The following TBXT variants were observed in gnomAD, a reference collection of about 807,000 sequenced individuals.
The protein encoded by TBXT is T brachyury transcription factor.
TBXT carries 19 observed loss-of-function variants against 41.1 expected under a neutral mutation model. That is an observed-to-expected ratio of 0.46 (90% CI 0.32 to 0.68). The LOEUF (loss-of-function observed/expected upper bound fraction) is 0.68. Among genes scored for constraint, TBXT ranks in the 30% least tolerant of loss-of-function variants. The pLI, the probability that TBXT is intolerant of heterozygous loss-of-function variation, is 0.03. For missense variants in TBXT, 536 were observed against 582.0 expected (o/e 0.92, Z 0.81); for synonymous variants, 213 against 238.9 (o/e 0.89, Z 1.00).
chr6:166,164,690 T>G, intron 4 of TBXT, 24 bp from the exon 5 acceptor site: 1 of 1,608,222 alleles, frequency 6.2e-7, no homozygotes, highest in East Asian at 2.2e-5. Flanking sequence ...AAAAAAAAAG[T>G]ATATCGAATT....
At position 166,158,167 on chromosome 6, in the gene TBXT, T is replaced by G; in HGVS notation, c.*148A>C. The G allele has an allele frequency of 8.1e-7, 1 of 1,241,720 alleles. No homozygotes were observed. The highest frequency in any genetic ancestry group is 2.3e-5 in the East Asian group (1 of 42,764). The allele number at this position is 1,241,720 out of a possible 1,614,324, so 76.9% of individuals were successfully genotyped here. On this transcript the variant is annotated 3_prime_UTR_variant, in exon 8 of 8. Transcript: ENST00000366876. Reference sequence around the variant, plus strand: ...GGCTCTGGGGAAAGGTGCCGTGTGCTCCTCCACTGCTTTGAAAAGGAAGTT... The same window carrying G: ...GGCTCTGGGGAAAGGTGCCGTGTGCGCCTCCACTGCTTTGAAAAGGAAGTT...
intron 6 of TBXT, 140 bp downstream of exon 6, chr6:166,162,307 C>T: frequency 1.2e-6 from 1 of 857,938 alleles, no homozygotes. Context: ...TTCTCTTGAG[C>T]TACTAAAAAA....
rs547205184 is a variant in TBXT at position 166,165,955 on chromosome 6, G to A, written c.472-115C>T. 14 of 1,496,912 alleles carry A rather than the reference G, an allele frequency of 9.4e-6. No individual in the cohort carries two copies. The East Asian group carries it at 3.2e-4, about 34-fold the overall frequency. 92.7% of individuals were successfully genotyped at this position (1,496,912 alleles called of 1,614,324 possible). On this transcript the variant is annotated intron_variant, in intron 2 of 7. Coordinates refer to ENST00000366876, the MANE Select transcript of TBXT (RefSeq NM_001366285.2). ...TGGATCCCAAGAAAGTGTCTCTGCT[G>A]TTGAGGGAAGTGGGGTTCCACCAGG... is the stretch of plus-strand genomic sequence containing the variant.
chr6:166,168,070 C>T (rs1005410202), upstream of TBXT, among the ~76,000 whole-genome samples: 2 of 152,006 alleles, frequency 1.3e-5, no homozygotes, highest in Admixed American at 1.3e-4. Flanking sequence ...GCCCTGCGAG[C>T]CCCGGCCCAG....
chr6:166,164,023 C>T (rs1288123495), intron 5 of TBXT, among the ~76,000 whole-genome samples: 3 of 152,192 alleles, frequency 2.0e-5, no homozygotes, highest in Admixed American at 2.0e-4. Context: ...AAGTCCCTTC[C>T]CCGGGTGGAG....
intron 5 of TBXT, among the ~76,000 whole-genome samples, chr6:166,162,999 C>T (rs1001020589): frequency 6.6e-6 from 1 of 152,238 alleles, no homozygotes; most frequent in Non-Finnish European, 1.5e-5. Flanking sequence ...TAACCCAAGG[C>T]TTCCAATCCT....
intron 5 of TBXT, 109 bp downstream of exon 5, chr6:166,164,496 C>G: frequency 7.5e-7 from 1 of 1,330,098 alleles, no homozygotes; most frequent in East Asian, 2.3e-5. Context: ...AATCTTACAT[C>G]CCAGGCACAC....
At chr6:166,160,426 C>T (rs1778918984) in intron 7 of TBXT, among the ~76,000 whole-genome samples, 1 of 152,180 alleles carries the variant, frequency 6.6e-6, no homozygotes, top group South Asian at 2.1e-4. Context: ...CCCAACAACC[C>T]TGTAGGAGAC....
intron 2 of TBXT, 72 bp downstream of exon 2, chr6:166,166,520 A>C: frequency 6.8e-6 from 11 of 1,608,742 alleles, no homozygotes; most frequent in South Asian, 3.3e-5. Flanking sequence ...CCCTTCCCAC[A>C]ACCCCCGTGC....
chr6:166,165,829 G>A lies in TBXT; in HGVS notation c.483C>T (p.Asn161=), dbSNP rs763305561. The change falls in exon 3 of 8, where the codon AAC becomes AAT. Residue 161 remains asparagine (N), a synonymous_variant. Transcript: ENST00000366876. ...KLNGGGQIML[N]SLHKYEPRIH... is the part of the protein sequence containing the mutation. ...TTCGAGGCTCATACTTATGCAAGGA[G>A]TTCAGCATGATCTGAGGGAGACAGA... The A allele has an allele frequency of 6.2e-7, 1 of 1,614,206 alleles. No individual in the cohort carries two copies. Among genetic ancestry groups the A allele is most frequent in the Non-Finnish European group, 8.5e-7 (1 of 1,180,044 alleles).
intron 3 of TBXT, 121 bp from the exon 4 acceptor site, chr6:166,164,982 T>C: frequency 3.7e-6 from 3 of 813,102 alleles, no homozygotes; most frequent in Non-Finnish European, 6.1e-6. Flanking sequence ...ATCAGACTTC[T>C]TTCCACATAC....
At chr6:166,160,384 C>T (rs3127333) in intron 7 of TBXT, among the ~76,000 whole-genome samples, 1 of 152,034 alleles carries the variant, frequency 6.6e-6, no homozygotes. Flanking sequence ...GAAAAGGTTC[C>T]GAAACGATCT....
rs1348928657 is a variant in TBXT at position 166,167,425 on chromosome 6, T to C, written c.167A>G (p.Lys56Arg). 1.2e-6 allele frequency: 2 copies of C among 1,613,210 alleles called. No homozygotes were observed. Among genetic ancestry groups the C allele is most frequent in the Non-Finnish European group, 1.7e-6 (2 of 1,179,932 alleles). ...LEESELWLRF[K>R]ELTNEMIVTK... is the part of the protein sequence containing the mutation. ...CACGATCATCTCATTGGTGAGCTCC[T>C]TGAAGCGCAGCCACAGCTCGCTCTC... Residue 56 changes from lysine (K) to arginine (R), a missense_variant, in exon 1 of 8, where the codon AAG becomes AGG. Coordinates refer to ENST00000366876, the MANE Select transcript of TBXT (RefSeq NM_001366285.2).
intron 2 of TBXT, 44 bp from the exon 3 acceptor site, chr6:166,165,884 G>A (rs754177141): frequency 6.2e-7 from 1 of 1,613,166 alleles, no homozygotes; most frequent in South Asian, 1.1e-5. Context: ...AAAGGCCTGC[G>A]TTAAAACAGC....
Position 166,166,658 on chromosome 6 carries a change from G to A in TBXT, c.405C>T (p.His135=). 6.2e-7 allele frequency: 1 copy of A among 1,614,084 alleles called. No individual in the cohort carries two copies. Among genetic ancestry groups the A allele is most frequent in the Non-Finnish European group, 8.5e-7 (1 of 1,180,046 alleles). Residue 135 remains histidine, a synonymous_variant, in exon 2 of 8, where the codon CAC becomes CAT. Transcript: ENST00000366876. The stretch of plus-strand genomic sequence containing the variant: ...TGAAGGAGACGGGAGCCTTCATCCA[G>A]TGGGCCCCGAAGTTGGGCGAGTCGG... ...IHPDSPNFGA[H]WMKAPVSFSK... is the part of the protein sequence containing the mutation.
At chr6:166,160,442 G>A (rs1428757552) in intron 7 of TBXT, among the ~76,000 whole-genome samples, 5 of 152,140 alleles carry the variant, frequency 3.3e-5, no homozygotes, top group South Asian at 2.1e-4. Flanking sequence ...GAGACAGGCC[G>A]AGGCTGGGTT....
intron 5 of TBXT, 83 bp downstream of exon 5, chr6:166,164,522 T>C (rs1779054196): frequency 1.3e-6 from 2 of 1,523,240 alleles, no homozygotes; most frequent in Non-Finnish European, 1.8e-6. Flanking sequence ...AACACCCTTG[T>C]CTTCTCCATC....
chr6:166,162,312 A>G (rs865897246), intron 6 of TBXT, 135 bp downstream of exon 6: 2 of 967,974 alleles, frequency 2.1e-6, no homozygotes, highest in Non-Finnish European at 3.2e-6. Context: ...TTGAGCTACT[A>G]AAAAACTGGG....
Position 166,158,545 on chromosome 6 carries a change from G to A in TBXT, c.1081C>T (p.Pro361Ser). Reference sequence around the variant, plus strand: ...GACACGGCTGCTGCCTGGGAGCCCGGGGTGACGGCGCCGTTGCTCACAGAC... The same window carrying A: ...GACACGGCTGCTGCCTGGGAGCCCGAGGTGACGGCGCCGTTGCTCACAGAC... ...LWSVSNGAVT[P>S]GSQAAAVSNG... Residue 361 changes from proline (P) to serine (S), a missense_variant, in exon 8 of 8, where the codon CCG (proline) becomes TCG (serine). Pro to Ser is a moderately conservative substitution (Grantham distance 74). Transcript: ENST00000366876. The A allele has an allele frequency of 1.3e-6, 2 of 1,595,140 alleles. No homozygotes were observed. The highest frequency in any genetic ancestry group is 1.7e-6 in the Non-Finnish European group (2 of 1,167,264).
Sources: allele counts gnomAD v4.1 joint callset (sites outside exome capture counted in the v4.1 genomes callset), GRCh38; gene constraint gnomAD v4.1.1; transcripts MANE v1.5; gene names NCBI Gene and HGNC (gene_info 2026-07-23, HGNC 2026-07-21).